The following CRB1 variants were observed in gnomAD, a reference collection of about 807,000 sequenced individuals.
CRB1 encodes crumbs cell polarity complex component 1.
A neutral mutation model predicts 120.0 loss-of-function variants in CRB1; 83 were observed. That is an observed-to-expected ratio of 0.69 (90% confidence interval 0.58 to 0.83). CRB1 has a LOEUF of 0.83. Ranked by LOEUF, CRB1 falls within the 40% of genes least tolerant of loss-of-function variation. The pLI, the probability that CRB1 is intolerant of heterozygous loss-of-function variation, is 0.00. For missense variants in CRB1, 1,699 were observed against 1,687.6 expected, an observed-to-expected ratio of 1.01 and a Z score of -0.12; for synonymous variants, 625 against 612.5, an observed-to-expected ratio of 1.02 and a Z score of -0.30.
intron 1 of CRB1, among the ~76,000 whole-genome samples, chr1:197,321,015 A>AACAGTAC (rs1658158816): frequency 6.6e-6 from 1 of 152,208 alleles, no homozygotes; most frequent in Non-Finnish European, 1.5e-5. Flanking sequence ...TCTGATTTCA[A>AACAGTAC]ACAGTACAAG....
the CRB1 span, among the ~76,000 whole-genome samples, chr1:197,227,062 C>T: frequency 2.0e-5 from 3 of 152,158 alleles, no homozygotes; most frequent in Admixed American, 2.0e-4. Context: ...CAGAGCCAAA[C>T]CATATCATTC....
chr1:197,347,542 T>A, intron 4 of CRB1, 63 bp downstream of exon 4: 1 of 1,500,564 alleles, frequency 6.7e-7, no homozygotes, highest in South Asian at 1.1e-5. Flanking sequence ...ATATCGCTTA[T>A]AGCAAATGAA....
At chr1:197,466,541 A>C (rs1429903072) in intron 11 of CRB1, among the ~76,000 whole-genome samples, 13 of 152,110 alleles carry the variant, frequency 8.5e-5, no homozygotes, top group Non-Finnish European at 4.4e-5. Flanking sequence ...CTTTTTGATC[A>C]TTTTTATGGC....
chr1:197,416,901 G>A (rs1459585975), intron 5 of CRB1, among the ~76,000 whole-genome samples: 2 of 152,076 alleles, frequency 1.3e-5, no homozygotes, highest in East Asian at 3.9e-4. Context: ...GTAGAGACAG[G>A]GTTTCACCAT....
chr1:197,342,932 T>C (rs937748179), intron 2 of CRB1, among the ~76,000 whole-genome samples: 1 of 152,204 alleles, frequency 6.6e-6, no homozygotes, highest in African/African-American at 2.4e-5. Flanking sequence ...AAAATAGCCA[T>C]GGAAAATCTC....
intron 1 of CRB1, among the ~76,000 whole-genome samples, chr1:197,318,857 A>G (rs1431670760): frequency 6.6e-6 from 1 of 152,140 alleles, no homozygotes; most frequent in Non-Finnish European, 1.5e-5. Context: ...AAGTGGGGAT[A>G]GGAGAGATTG....
intron 5 of CRB1, chr1:197,413,736 C>T (rs1353378621): frequency 3.9e-6 from 1 of 253,428 alleles, no homozygotes; most frequent in Non-Finnish European, 8.2e-6. Flanking sequence ...AACAAATCTG[C>T]CTGGTAAGCA....
chr1:197,281,877 A>C (rs1655539846), intron 1 of CRB1, among the ~76,000 whole-genome samples: 1 of 151,752 alleles, frequency 6.6e-6, no homozygotes, highest in African/African-American at 2.4e-5. Context: ...TATTGGAGGG[A>C]CTTTCAGGTG....
At chr1:197,450,076 C>A (rs1665886473) in intron 11 of CRB1, among the ~76,000 whole-genome samples, 1 of 152,176 alleles carries the variant, frequency 6.6e-6, no homozygotes, top group South Asian at 2.1e-4. Flanking sequence ...AGTTCAAATT[C>A]TCATACAGGT....
chr1:197,432,078 C>T (rs780421437), intron 8 of CRB1, among the ~76,000 whole-genome samples: 2 of 151,958 alleles, frequency 1.3e-5, no homozygotes, highest in Non-Finnish European at 2.9e-5. Context: ...TTACAACTCA[C>T]CTTAAATACA....
At chr1:197,361,869 G>A (rs769945995) in intron 5 of CRB1, among the ~76,000 whole-genome samples, 1 of 151,134 alleles carries the variant, frequency 6.6e-6, no homozygotes, top group Non-Finnish European at 1.5e-5. Context: ...TTTGCTTTGG[G>A]TTTATTTTCT....
chr1:197,233,428 CT>C, the CRB1 span, among the ~76,000 whole-genome samples: 1 of 151,940 alleles, frequency 6.6e-6, no homozygotes, highest in East Asian at 1.9e-4. Flanking sequence ...AACCACAGTT[CT>C]CTACACTGCA....
intron 5 of CRB1, among the ~76,000 whole-genome samples, chr1:197,381,468 C>T (rs1282273868): frequency 6.6e-6 from 1 of 152,102 alleles, no homozygotes; most frequent in East Asian, 1.9e-4. Context: ...TCTTTAAGTC[C>T]TTACAGTGAT....
At chr1:197,441,701 C>A (rs1571571115) in intron 10 of CRB1, 1 of 63,560 alleles carries the variant, frequency 1.6e-5, no homozygotes, top group Non-Finnish European at 2.9e-5. Context: ...CTTTGGTGGG[C>A]TTTTTCCTTA....
At chr1:197,364,416 T>A (rs1660953890) in intron 5 of CRB1, among the ~76,000 whole-genome samples, 1 of 152,224 alleles carries the variant, frequency 6.6e-6, no homozygotes, top group South Asian at 2.1e-4. Context: ...AATCAGTAGA[T>A]TTATGTCTTT....
In CRB1 at chr1:197,421,957, G is replaced by C. The variant is rs2125472205; in HGVS notation, c.2128+1G>C. On this transcript the variant is annotated splice_donor_variant, in intron 6 of 11. Coordinates refer to ENST00000367400, the MANE Select transcript of CRB1 (RefSeq NM_201253.3). LOFTEE classifies it high-confidence loss of function. ...TATGAAGGCCCCAACTGTCTGAGAGGTGAGAGAAAGCTGAGTGCTATGGCT... is the reference window on the plus strand; with the variant it reads ...TATGAAGGCCCCAACTGTCTGAGAGCTGAGAGAAAGCTGAGTGCTATGGCT... 1 of 1,613,360 alleles carries C rather than the reference G, an allele frequency of 6.2e-7. No homozygotes were observed. The highest frequency in any genetic ancestry group is 2.2e-5 in the East Asian group (1 of 44,880).
intron 5 of CRB1, among the ~76,000 whole-genome samples, chr1:197,383,659 C>T (rs1048952172): frequency 6.6e-5 from 10 of 152,170 alleles, no homozygotes; most frequent in Non-Finnish European, 1.2e-4. Flanking sequence ...CATGATATTT[C>T]TCTTTCTGTC....
chr1:197,390,181 G>C (rs1275203394), intron 5 of CRB1, among the ~76,000 whole-genome samples: 2 of 150,942 alleles, frequency 1.3e-5, no homozygotes. Context: ...GTGTTTGTGT[G>C]GGGGGGAGGG....
At chr1:197,226,596 G>T in the CRB1 span, among the ~76,000 whole-genome samples, 1 of 152,168 alleles carries the variant, frequency 6.6e-6, no homozygotes, top group South Asian at 2.1e-4. Context: ...ATTAGGTTTA[G>T]ATGAGGTCAT....
Sources: allele counts gnomAD v4.1 joint callset (sites outside exome capture counted in the v4.1 genomes callset), GRCh38; gene constraint gnomAD v4.1.1; transcripts MANE v1.5; gene names NCBI Gene and HGNC (gene_info 2026-07-23, HGNC 2026-07-21).